The following PTPRT variants were observed in gnomAD, a reference collection of about 807,000 sequenced individuals.
The protein encoded by PTPRT is receptor-type tyrosine-protein phosphatase T.
Under a neutral mutation model 176.8 loss-of-function variants are expected in PTPRT, and 56 were observed. The ratio of observed to expected loss-of-function variants is 0.32; its 90% CI spans 0.26 to 0.40. The LOEUF (loss-of-function observed/expected upper bound fraction) is 0.40. Among genes scored for constraint, PTPRT ranks in the 10% least tolerant of loss-of-function variants. The pLI is 1.00. For missense variants in PTPRT, 1,540 were observed against 1,908.2 expected, an observed-to-expected ratio of 0.81 and a Z score of 3.60; for synonymous variants, 783 against 739.0, an observed-to-expected ratio of 1.06 and a Z score of -0.96.
chr20:42,800,713 C>T (rs917926945), intron 2 of PTPRT, among the ~76,000 whole-genome samples: 18 of 152,044 alleles, frequency 1.2e-4, no homozygotes, highest in Non-Finnish European at 2.6e-4. Context: ...ATTATTACCT[C>T]GTATATTTGC....
intron 7 of PTPRT, among the ~76,000 whole-genome samples, chr20:42,567,181 G>A (rs970210379): frequency 3.3e-5 from 5 of 151,936 alleles, no homozygotes; most frequent in African/African-American, 4.8e-5. Context: ...GCTGAGGCAG[G>A]AGAATCACTT....
intron 7 of PTPRT, among the ~76,000 whole-genome samples, chr20:42,493,772 T>C (rs59691798): frequency 0.029 from 4,414 of 151,616 alleles, 130 homozygotes; most frequent in South Asian, 0.099. Flanking sequence ...GAAAGAAGTC[T>C]TCTGTCTTTC....
At chr20:42,100,729 C>T (rs776041849) in intron 26 of PTPRT, among the ~76,000 whole-genome samples, 2 of 152,220 alleles carry the variant, frequency 1.3e-5, no homozygotes, top group Non-Finnish European at 2.9e-5. Flanking sequence ...ATAATGCACA[C>T]CTACATGCAC....
At chr20:42,419,878 C>A (rs113762609) in intron 9 of PTPRT, among the ~76,000 whole-genome samples, 1 of 152,152 alleles carries the variant, frequency 6.6e-6, no homozygotes, top group Non-Finnish European at 1.5e-5. Context: ...ACTGAAGAGA[C>A]GCACACCTAG....
At chr20:42,382,304 A>C (rs1009911083) in intron 9 of PTPRT, among the ~76,000 whole-genome samples, 1 of 152,122 alleles carries the variant, frequency 6.6e-6, no homozygotes, top group Non-Finnish European at 1.5e-5. Flanking sequence ...GAGAGGATGG[A>C]GTTCGGGGAT....
chr20:42,891,222 C>A (rs1377019460), intron 1 of PTPRT, among the ~76,000 whole-genome samples: 2 of 152,198 alleles, frequency 1.3e-5, no homozygotes, highest in Non-Finnish European at 2.9e-5. Flanking sequence ...TCACCACAAT[C>A]ATTTTTGGGA....
At chr20:42,825,155 G>A (rs916159712) in intron 2 of PTPRT, among the ~76,000 whole-genome samples, 5 of 152,010 alleles carry the variant, frequency 3.3e-5, no homozygotes, top group East Asian at 1.9e-4. Flanking sequence ...TTGATAATAC[G>A]TATCACATTA....
At position 42,387,625 on chromosome 20, in the gene PTPRT, T is replaced by A. The variant is rs574025335; in HGVS notation, c.1561-35340A>T. On this transcript the variant is annotated intron_variant, in intron 9 of 30. Transcript: ENST00000373187. Reference sequence around the variant, plus strand: ...ATGCTCTCCCGACTCCAACACTTTTTAATCTGGAAACTTCCTATAGGGCAA... The same window carrying A: ...ATGCTCTCCCGACTCCAACACTTTTAAATCTGGAAACTTCCTATAGGGCAA... 2.6e-5 allele frequency among the ~76,000 whole-genome samples: 4 copies of A among 152,282 alleles called. No individual in the cohort carries two copies. The South Asian group carries it at 8.3e-4, about 32-fold the overall frequency.
chr20:42,289,789 A>G (rs913876169), intron 12 of PTPRT, among the ~76,000 whole-genome samples: 2 of 152,048 alleles, frequency 1.3e-5, no homozygotes, highest in Non-Finnish European at 2.9e-5. Context: ...AAAATGAGCC[A>G]TTTCCTAAAA....
intron 9 of PTPRT, among the ~76,000 whole-genome samples, chr20:42,440,694 G>C (rs964814789): frequency 3.3e-5 from 5 of 152,020 alleles, no homozygotes; most frequent in Non-Finnish European, 7.4e-5. Context: ...AGCCAGGATG[G>C]TCTCGATCTC....
At chr20:42,997,285 T>C (rs1312717180) in intron 1 of PTPRT, among the ~76,000 whole-genome samples, 2 of 152,126 alleles carry the variant, frequency 1.3e-5, no homozygotes, top group Non-Finnish European at 2.9e-5. Flanking sequence ...ACAAATAGGA[T>C]GGACATAGCA....
intron 6 of PTPRT, among the ~76,000 whole-genome samples, chr20:42,699,779 C>T (rs1038300043): frequency 6.6e-6 from 1 of 152,108 alleles, no homozygotes; most frequent in Non-Finnish European, 1.5e-5. Flanking sequence ...CCTCACTACG[C>T]CAAGTACAGT....
chr20:43,131,448 A>G (rs2013643820), intron 1 of PTPRT, among the ~76,000 whole-genome samples: 1 of 152,250 alleles, frequency 6.6e-6, no homozygotes, highest in Admixed American at 6.5e-5. Flanking sequence ...ATGTTTCTGT[A>G]ATAATGATAT....
At position 42,969,619 on chromosome 20, in the gene PTPRT, A is replaced by G. The variant is rs1398341256; in HGVS notation, c.89-83687T>C. ...GCAGATCCACAAACCCTGATTTAAGAATTCTGAATCCTCAAAAGCTTTGAA... is the reference window on the plus strand; with the variant it reads ...GCAGATCCACAAACCCTGATTTAAGGATTCTGAATCCTCAAAAGCTTTGAA... On this transcript the variant is annotated intron_variant, in intron 1 of 30. Coordinates refer to ENST00000373187, the MANE Select transcript of PTPRT (RefSeq NM_007050.6). 3 of 152,196 alleles carry G rather than the reference A, an allele frequency of 2.0e-5. No individual in the cohort carries two copies. The East Asian group carries it at 5.8e-4, about 29-fold the overall frequency. The allele number at this position is 152,196 out of a possible 1,614,324, so 9.4% of individuals were successfully genotyped here.
intron 6 of PTPRT, among the ~76,000 whole-genome samples, chr20:42,743,019 C>T (rs2076634924): frequency 3.9e-5 from 6 of 152,192 alleles, no homozygotes; most frequent in Admixed American, 3.9e-4. Context: ...AGCAGTTCCT[C>T]ACTCACGTGC....
At chr20:42,292,938 C>T (rs539350319) in intron 12 of PTPRT, among the ~76,000 whole-genome samples, 3 of 152,304 alleles carry the variant, frequency 2.0e-5, no homozygotes, top group East Asian at 1.9e-4. Flanking sequence ...CTAGAAAGCA[C>T]GTATGCTGGA....
Position 42,943,371 on chromosome 20 carries a change from C to T in PTPRT, c.89-57439G>A, listed in dbSNP as rs1367630444. Among the ~76,000 whole-genome samples, 7 of 152,296 alleles carry T rather than the reference C, an allele frequency of 4.6e-5. No homozygotes were observed. In the East Asian group the frequency reaches 9.6e-4, roughly 21 times the overall value. On this transcript the variant is annotated intron_variant, in intron 1 of 30. Coordinates refer to ENST00000373187, the MANE Select transcript of PTPRT (RefSeq NM_007050.6). The stretch of plus-strand genomic sequence containing the variant: ...GGATTGGCTTGTGAAGGGATACGCA[C>T]GCAGAGCCTTCGGGTCAGAAGCTTG...
intron 7 of PTPRT, among the ~76,000 whole-genome samples, chr20:42,621,647 C>T (rs7362882): frequency 0.21 from 31,508 of 152,136 alleles, 4,523 homozygotes; most frequent in African/African-American, 0.41. Flanking sequence ...CTGTGCTGGC[C>T]ACTCCCTAGA....
chr20:42,877,643 T>G (rs578113725), intron 2 of PTPRT, among the ~76,000 whole-genome samples: 2 of 152,282 alleles, frequency 1.3e-5, no homozygotes, highest in Non-Finnish European at 2.9e-5. Flanking sequence ...CGCTACCTAC[T>G]AAGCCCCAGC....
Sources: gnomAD v4.1 joint callset for allele counts (sites outside exome capture counted in the v4.1 genomes callset) on GRCh38, gnomAD v4.1.1 for gene constraint, MANE v1.5 for transcripts, NCBI Gene and HGNC (gene_info 2026-07-23, HGNC 2026-07-21) for gene names.